Variants in CNTNAP5 observed in about 807,000 individuals in gnomAD.
CNTNAP5 encodes the protein contactin associated protein family member 5.
Under a neutral mutation model 150.2 loss-of-function variants are expected in CNTNAP5, and 72 were observed. That is an observed-to-expected ratio of 0.48 (90% confidence interval 0.40 to 0.58). CNTNAP5 has a LOEUF of 0.58. CNTNAP5 is among the 20% of genes least tolerant of loss of function. The pLI is 0.00. For synonymous variants in CNTNAP5, 672 were observed against 619.8 expected, an observed-to-expected ratio of 1.08 and a Z score of -1.25; for missense variants, 1,636 against 1,626.2, an observed-to-expected ratio of 1.01 and a Z score of -0.10.
chr2:124,046,871 G>T (rs1401899758), intron 1 of CNTNAP5, among the ~76,000 whole-genome samples: 1 of 152,162 alleles, frequency 6.6e-6, no homozygotes, highest in Non-Finnish European at 1.5e-5. Flanking sequence ...GGCTGGACTG[G>T]GAAAGGAGAT....
Position 124,249,845 on chromosome 2 carries a change from G to A in CNTNAP5, c.381+7452G>A, listed in dbSNP as rs148298581. On this transcript the variant is annotated intron_variant, in intron 3 of 23. Transcript: ENST00000682447. The stretch of plus-strand genomic sequence containing the variant: ...AACTTTAACATCCAGCAAAGTATTC[G>A]GATTTTTAAAATGTAAATATAGTCA... 2.4e-3 allele frequency among the ~76,000 whole-genome samples: 363 copies of A among 152,134 alleles called. 1 individual carries two copies. The highest frequency in any genetic ancestry group is 8.1e-3 in the African/African-American group (338 of 41,500).
intron 13 of CNTNAP5, among the ~76,000 whole-genome samples, chr2:124,707,073 AGAAGAAGAAGAGGAAGAAGAAGAAGAG>A (rs1679686413): frequency 4.5e-5 from 6 of 132,320 alleles, no homozygotes; most frequent in East Asian, 4.6e-4. Context: ...AGGAAGAGGA[AGAAGAAGAAGAGGAAGAAGAAGAAGAG>A]GAAGAAGAAG....
chr2:124,500,726 G>T (rs970167537), intron 7 of CNTNAP5, among the ~76,000 whole-genome samples: 1 of 151,320 alleles, frequency 6.6e-6, no homozygotes, highest in African/African-American at 2.4e-5. Context: ...ATCCCTAGGG[G>T]CAAATGTCTA....
chr2:124,258,672 T>A (rs557532241), intron 3 of CNTNAP5, among the ~76,000 whole-genome samples: 8 of 152,246 alleles, frequency 5.3e-5, no homozygotes, highest in African/African-American at 1.7e-4. Context: ...TAGGCAGTTG[T>A]GACTGTGCTA....
chr2:124,193,927 C>T (rs1685515523), intron 1 of CNTNAP5, among the ~76,000 whole-genome samples: 1 of 152,096 alleles, frequency 6.6e-6, no homozygotes, highest in Non-Finnish European at 1.5e-5. Flanking sequence ...AGCAAACAAA[C>T]AGAAGTGAGA....
At chr2:124,790,188 T>C in intron 18 of CNTNAP5, 47 bp downstream of exon 18, 1 of 1,538,386 alleles carries the variant, frequency 6.5e-7, no homozygotes, top group Non-Finnish European at 8.8e-7. Context: ...CTGTATCACC[T>C]ATACGCTATG....
intron 1 of CNTNAP5, among the ~76,000 whole-genome samples, chr2:124,176,504 A>T (rs2104672429): frequency 6.6e-6 from 1 of 152,316 alleles, no homozygotes; most frequent in East Asian, 1.9e-4. Flanking sequence ...CAGAAGGCAG[A>T]TTAATAGGAA....
At chr2:124,118,307 G>T (rs922792115) in intron 1 of CNTNAP5, among the ~76,000 whole-genome samples, 1 of 152,086 alleles carries the variant, frequency 6.6e-6, no homozygotes, top group Non-Finnish European at 1.5e-5. Flanking sequence ...GACCTGAAAA[G>T]CCACAGCACC....
At chr2:124,633,749 AG>A (rs1242084647) in intron 12 of CNTNAP5, among the ~76,000 whole-genome samples, 1 of 152,192 alleles carries the variant, frequency 6.6e-6, no homozygotes, top group Non-Finnish European at 1.5e-5. Flanking sequence ...CTGGACATAC[AG>A]GCTTTCCAAA....
chr2:124,307,327 C>A (rs1688718112), intron 3 of CNTNAP5, among the ~76,000 whole-genome samples: 1 of 152,132 alleles, frequency 6.6e-6, no homozygotes, highest in African/African-American at 2.4e-5. Context: ...ATTCTCATGA[C>A]CTAATCTGAT....
intron 19 of CNTNAP5, among the ~76,000 whole-genome samples, chr2:124,820,860 G>A (rs1682471357): frequency 6.6e-6 from 1 of 152,202 alleles, no homozygotes; most frequent in Non-Finnish European, 1.5e-5. Context: ...GTTAGCTTCT[G>A]TGATTTTGTT....
At chr2:124,160,272 C>T (rs73954572) in intron 1 of CNTNAP5, among the ~76,000 whole-genome samples, 2 of 152,134 alleles carry the variant, frequency 1.3e-5, no homozygotes, top group Non-Finnish European at 2.9e-5. Context: ...TATTATTTCA[C>T]TCTTTTATAA....
At chr2:124,335,433 C>A (rs904582262) in intron 3 of CNTNAP5, among the ~76,000 whole-genome samples, 4 of 151,656 alleles carry the variant, frequency 2.6e-5, no homozygotes, top group Non-Finnish European at 5.9e-5. Context: ...AAGATTCCCA[C>A]CTGGTCACAA....
intron 3 of CNTNAP5, among the ~76,000 whole-genome samples, chr2:124,302,219 C>G (rs1688581292): frequency 6.6e-6 from 1 of 152,146 alleles, no homozygotes; most frequent in African/African-American, 2.4e-5. Context: ...TATAGAAATT[C>G]TAGACAACTG....
At chr2:124,815,682 G>C (rs977662504) in intron 19 of CNTNAP5, among the ~76,000 whole-genome samples, 1 of 151,892 alleles carries the variant, frequency 6.6e-6, no homozygotes, top group South Asian at 2.1e-4. Flanking sequence ...TGAAAATAGC[G>C]TCATGAAAAT....
chr2:124,194,400 TATATATATATAAATATAA>T (rs1172871316), intron 1 of CNTNAP5, among the ~76,000 whole-genome samples: 1 of 10,972 alleles, frequency 9.1e-5, no homozygotes, highest in African/African-American at 2.5e-4. Flanking sequence ...TATATATATA[TATATATATATAAATATAA>T]ATAGGTGTGC....
intron 22 of CNTNAP5, among the ~76,000 whole-genome samples, chr2:124,909,475 C>A (rs1678609150): frequency 6.6e-6 from 1 of 152,008 alleles, no homozygotes; most frequent in Non-Finnish European, 1.5e-5. Flanking sequence ...AGAATATATT[C>A]TCACCATTAA....
At chr2:124,537,251 G>A (rs1193651267) in intron 10 of CNTNAP5, among the ~76,000 whole-genome samples, 1 of 152,110 alleles carries the variant, frequency 6.6e-6, no homozygotes, top group Non-Finnish European at 1.5e-5. Flanking sequence ...CTGGCACTGT[G>A]GTACTTCTAA....
chr2:124,560,609 C>G (rs1415933926), intron 10 of CNTNAP5, among the ~76,000 whole-genome samples: 1 of 138,828 alleles, frequency 7.2e-6, no homozygotes, highest in Non-Finnish European at 1.5e-5. Flanking sequence ...AGTTAAAATT[C>G]TGTTAGTTGA....
Sources: gnomAD v4.1 joint callset for allele counts (sites outside exome capture counted in the v4.1 genomes callset) on GRCh38, gnomAD v4.1.1 for gene constraint, MANE v1.5 for transcripts, NCBI Gene and HGNC (gene_info 2026-07-23, HGNC 2026-07-21) for gene names.